The following PPP3CA variants were observed in gnomAD, a reference collection of about 807,000 sequenced individuals.
PPP3CA encodes CAM-PRP catalytic subunit.
PPP3CA carries 14 observed loss-of-function variants against 66.5 expected under a neutral mutation model. That is an observed-to-expected ratio of 0.21 (90% CI 0.14 to 0.33). The LOEUF is 0.33. PPP3CA is among the 10% of genes least tolerant of loss of function. The pLI is 1.00. For synonymous variants in PPP3CA, 232 were observed against 226.2 expected (o/e 1.03, Z -0.23); for missense variants, 317 against 639.5 (o/e 0.50, Z 5.44).
intron 1 of PPP3CA, among the ~76,000 whole-genome samples, chr4:101,331,829 A>G (rs1225074898): frequency 6.6e-6 from 1 of 152,178 alleles, no homozygotes; most frequent in Non-Finnish European, 1.5e-5. Flanking sequence ...AACATATGCT[A>G]TATTATAAAT....
intron 1 of PPP3CA, among the ~76,000 whole-genome samples, chr4:101,241,057 G>A (rs1726291199): frequency 1.3e-5 from 2 of 151,944 alleles, no homozygotes; most frequent in African/African-American, 4.8e-5. Context: ...TGTAGAGACA[G>A]CGTCTCCCTA....
At chr4:101,131,237 AAAATAAATAAATAAATAAAT>A (rs140632196) in intron 2 of PPP3CA, among the ~76,000 whole-genome samples, 1 of 138,672 alleles carries the variant, frequency 7.2e-6, no homozygotes, top group African/African-American at 2.9e-5. Flanking sequence ...ACTCCGTCTC[AAAATAAATAAATAAATAAAT>A]AAATAAATAA....
chr4:101,073,712 G>T (rs1462607187), intron 8 of PPP3CA, among the ~76,000 whole-genome samples: 2 of 152,038 alleles, frequency 1.3e-5, no homozygotes, highest in Non-Finnish European at 2.9e-5. Flanking sequence ...CTTCTAGTGT[G>T]TATGATTCTA....
In PPP3CA at chr4:101,106,453, G is replaced by GAAAGAAAGAAAGAAAGAAAGAAAGAA. The variant is rs775018059; in HGVS notation, c.384+2500_384+2501insTTCTTTCTTTCTTTCTTTCTTTCTTT. Among the ~76,000 whole-genome samples, 5 of 35,516 alleles carry GAAAGAAAGAAAGAAAGAAAGAAAGAA rather than the reference G, an allele frequency of 1.4e-4. 1 individual carries two copies. The highest frequency in any genetic ancestry group is 2.6e-4 in the Non-Finnish European group (5 of 19,016). 23.3% of individuals were successfully genotyped at this position (35,516 alleles called of 152,430 possible). On this transcript the variant is annotated intron_variant, in intron 3 of 13. Transcript: ENST00000394854. ...AGAAAGAAAGAAAGAAAGAAAGAAA[G>GAAAGAAAGAAAGAAAGAAAGAAAGAA]AGAAAAGAAAAGAAAAGAAAAGAAA... is the stretch of plus-strand genomic sequence containing the variant.
Position 101,026,012 on chromosome 4 carries a change from G to T in PPP3CA, c.1419C>A (p.Ala473=). The part of the protein sequence containing the change: ...PQHKITSFEE[A]KGLDRINERM... Reference sequence around the variant, plus strand: ...TCTCATTAATTCGGTCTAAGCCCTTGGCTTCCTCGAAGCTAGTGATCTTAT... The same window carrying T: ...TCTCATTAATTCGGTCTAAGCCCTTTGCTTCCTCGAAGCTAGTGATCTTAT... Residue 473 remains alanine (A), a synonymous_variant, in exon 14 of 14, where the codon GCC becomes GCA. Transcript: ENST00000394854. 1.9e-6 allele frequency: 3 copies of T among 1,612,140 alleles called. No individual in the cohort carries two copies. Among genetic ancestry groups the T allele is most frequent in the Non-Finnish European group, 1.7e-6 (2 of 1,179,358 alleles).
At chr4:101,269,559 T>C (rs949646502) in intron 1 of PPP3CA, among the ~76,000 whole-genome samples, 1 of 91,890 alleles carries the variant, frequency 1.1e-5, no homozygotes, top group African/African-American at 3.9e-5. Flanking sequence ...GGAACGTGTG[T>C]GTGTGTGTGT....
intron 6 of PPP3CA, among the ~76,000 whole-genome samples, chr4:101,091,122 T>C (rs1358431486): frequency 1.3e-5 from 2 of 152,142 alleles, no homozygotes; most frequent in Non-Finnish European, 2.9e-5. Context: ...CTATTATTAA[T>C]GCAACAGGAC....
chr4:101,259,316 T>A (rs1460708036), intron 1 of PPP3CA, among the ~76,000 whole-genome samples: 1 of 149,892 alleles, frequency 6.7e-6, no homozygotes, highest in Admixed American at 6.7e-5. Flanking sequence ...TTCTTCCTCC[T>A]TTCCCAGTTG....
At chr4:101,122,451 GAC>G (rs760583872) in intron 2 of PPP3CA, among the ~76,000 whole-genome samples, 3 of 152,188 alleles carry the variant, frequency 2.0e-5, no homozygotes, top group African/African-American at 4.8e-5. Flanking sequence ...TTACAGATGT[GAC>G]ACAGGGTAGA....
chr4:101,312,751 A>G (rs1050372843), intron 1 of PPP3CA, among the ~76,000 whole-genome samples: 20 of 152,216 alleles, frequency 1.3e-4, no homozygotes, highest in African/African-American at 4.8e-4. Flanking sequence ...TTAATACAAT[A>G]AGTGACAAAC....
At chr4:101,169,186 T>A (rs1723789915) in intron 2 of PPP3CA, among the ~76,000 whole-genome samples, 1 of 152,212 alleles carries the variant, frequency 6.6e-6, no homozygotes, top group South Asian at 2.1e-4. Flanking sequence ...AAGATCAAAC[T>A]GAGTGCCTAG....
intron 1 of PPP3CA, among the ~76,000 whole-genome samples, chr4:101,297,707 T>C (rs1244666637): frequency 6.6e-6 from 1 of 152,152 alleles, no homozygotes; most frequent in Non-Finnish European, 1.5e-5. Context: ...CCTACTTCCT[T>C]ATGCAGGAAT....
chr4:101,073,535 A>G (rs879402432), intron 8 of PPP3CA, among the ~76,000 whole-genome samples: 1 of 152,052 alleles, frequency 6.6e-6, no homozygotes, highest in Non-Finnish European at 1.5e-5. Flanking sequence ...TCAGCCTCTC[A>G]AAGTGCTGGG....
At chr4:101,234,729 A>G (rs1726073166) in intron 1 of PPP3CA, among the ~76,000 whole-genome samples, 1 of 151,874 alleles carries the variant, frequency 6.6e-6, no homozygotes, top group Non-Finnish European at 1.5e-5. Flanking sequence ...ACATGAGTTA[A>G]GGCAGTTCGC....
chr4:101,054,971 T>C (rs1456254440), intron 10 of PPP3CA, among the ~76,000 whole-genome samples: 1 of 152,118 alleles, frequency 6.6e-6, no homozygotes, highest in Non-Finnish European at 1.5e-5. Flanking sequence ...CACTTTATTA[T>C]TTTTTCTTTC....
At chr4:101,136,120 A>C (rs1408944059) in intron 2 of PPP3CA, among the ~76,000 whole-genome samples, 1 of 152,242 alleles carries the variant, frequency 6.6e-6, no homozygotes, top group Non-Finnish European at 1.5e-5. Context: ...TTTTCCTATC[A>C]CTTAGAATCT....
chr4:101,029,347 T>TAAAAAAAAAA (rs34620032), intron 12 of PPP3CA, 152 bp from the exon 13 acceptor site: 757 of 78,474 alleles, frequency 9.6e-3, no homozygotes, highest in East Asian at 0.077. Context: ...ACAGAAATGC[T>TAAAAAAAAAA]AAAAAAAAAA....
chr4:101,177,537 T>A (rs1280186246), intron 2 of PPP3CA, among the ~76,000 whole-genome samples: 2 of 152,098 alleles, frequency 1.3e-5, no homozygotes, highest in South Asian at 2.1e-4. Context: ...TTATTGTAGT[T>A]CAGTAATGTC....
chr4:101,093,656 G>T (rs1730060510), intron 6 of PPP3CA, 120 bp downstream of exon 6: 7 of 1,011,828 alleles, frequency 6.9e-6, no homozygotes, highest in South Asian at 2.9e-5. Context: ...AAATGCTAGT[G>T]AGCCTTTCAT....
Sources: allele counts gnomAD v4.1 joint callset (sites outside exome capture counted in the v4.1 genomes callset), GRCh38; gene constraint gnomAD v4.1.1; transcripts MANE v1.5; gene names NCBI Gene and HGNC (gene_info 2026-07-23, HGNC 2026-07-21).